Variants in GPHN observed in about 807,000 individuals in gnomAD.
GPHN encodes gephyrin.
A neutral mutation model predicts 95.5 loss-of-function variants in GPHN; 17 were observed. The observed-to-expected ratio is 0.18, with a 90% CI of 0.12 to 0.27. The LOEUF is 0.27. Among genes scored for constraint, GPHN ranks in the 10% least tolerant of loss-of-function variants. The pLI is 1.00. For missense variants in GPHN, 660 were observed against 978.1 expected (o/e 0.67, Z 4.34); for synonymous variants, 320 against 322.5 (o/e 0.99, Z 0.08).
chr14:66,932,674 G>T (rs10135117), intron 8 of GPHN, among the ~76,000 whole-genome samples: 36,528 of 150,196 alleles, frequency 0.24, 6,381 homozygotes, highest in African/African-American at 0.46. Context: ...TCTAGGCTCA[G>T]GGCAGCTACC....
the GPHN span, among the ~76,000 whole-genome samples, chr14:67,258,318 T>C: frequency 2.0e-5 from 3 of 152,228 alleles, no homozygotes; most frequent in East Asian, 1.9e-4. Flanking sequence ...GTGGATCGCA[T>C]GAGCTCAGGA....
chr14:67,479,277 G>A, the GPHN span, among the ~76,000 whole-genome samples: 7,130 of 151,786 alleles, frequency 0.047, 205 homozygotes, highest in East Asian at 0.096. Flanking sequence ...GTGGTGGCGT[G>A]TGCCTGTAAT....
the GPHN span, chr14:67,334,238 G>GAAAC: frequency 2.0e-5 from 3 of 152,696 alleles, no homozygotes; most frequent in African/African-American, 7.2e-5. Flanking sequence ...AATCATAAAA[G>GAAAC]AAACATTTAA....
the GPHN span, among the ~76,000 whole-genome samples, chr14:67,528,223 A>G: frequency 6.6e-6 from 1 of 152,180 alleles, no homozygotes; most frequent in Non-Finnish European, 1.5e-5. Flanking sequence ...GAGTGCCAAG[A>G]ACTGAGCTAG....
At chr14:67,727,492 T>TTTTTTTG in the GPHN span, 1 of 356,918 alleles carries the variant, frequency 2.8e-6, no homozygotes, top group African/African-American at 2.1e-5. Context: ...TTTGTTTTTT[T>TTTTTTTG]TTTTTTGAGA....
chr14:67,176,636 G>C (rs1339152872), intron 21 of GPHN, among the ~76,000 whole-genome samples: 1 of 152,170 alleles, frequency 6.6e-6, no homozygotes, highest in Non-Finnish European at 1.5e-5. Flanking sequence ...CCTTGGAATA[G>C]TTTCAGAAGG....
At chr14:67,351,141 A>G in the GPHN span, among the ~76,000 whole-genome samples, 1 of 152,352 alleles carries the variant, frequency 6.6e-6, no homozygotes, top group East Asian at 1.9e-4. Flanking sequence ...TGCCTTCCCA[A>G]GTATTAAAAA....
the GPHN span, among the ~76,000 whole-genome samples, chr14:67,716,767 C>A: frequency 3.3e-5 from 5 of 151,902 alleles, no homozygotes; most frequent in Admixed American, 3.3e-4. Context: ...ACCTGTGGGT[C>A]CAGCTATTCA....
At chr14:67,059,453 A>G (rs537809599) in intron 11 of GPHN, among the ~76,000 whole-genome samples, 1 of 152,338 alleles carries the variant, frequency 6.6e-6, no homozygotes, top group African/African-American at 2.4e-5. Context: ...TGCAATTTGA[A>G]TAAAATATAG....
the GPHN span, among the ~76,000 whole-genome samples, chr14:67,226,779 C>A: frequency 2.0e-5 from 3 of 152,180 alleles, no homozygotes; most frequent in African/African-American, 7.2e-5. Context: ...AATTCCCTGG[C>A]CTCCACATAC....
chr14:67,566,033 C>T, the GPHN span, among the ~76,000 whole-genome samples: 2 of 152,188 alleles, frequency 1.3e-5, no homozygotes, highest in Non-Finnish European at 2.9e-5. Flanking sequence ...GCAGTAGAAT[C>T]GCTTGAACCC....
At chr14:67,539,176 A>G in the GPHN span, among the ~76,000 whole-genome samples, 1 of 152,228 alleles carries the variant, frequency 6.6e-6, no homozygotes, top group Non-Finnish European at 1.5e-5. Flanking sequence ...AGTAAAGGAC[A>G]AGGAAAAATC....
chr14:67,278,249 A>G, the GPHN span, among the ~76,000 whole-genome samples: 2 of 151,938 alleles, frequency 1.3e-5, no homozygotes, highest in South Asian at 2.1e-4. Flanking sequence ...CATGTTGGCC[A>G]GGTCTCGAAC....
At chr14:66,532,269 A>G (rs944769938) in intron 1 of GPHN, among the ~76,000 whole-genome samples, 1 of 152,144 alleles carries the variant, frequency 6.6e-6, no homozygotes, top group African/African-American at 2.4e-5. Context: ...TAGAGCTGTG[A>G]TATCTGGAGG....
At chr14:66,718,463 G>A (rs556525382) in intron 2 of GPHN, among the ~76,000 whole-genome samples, 2 of 152,286 alleles carry the variant, frequency 1.3e-5, no homozygotes, top group East Asian at 3.9e-4. Flanking sequence ...ACAGTGAGCA[G>A]CAGCAAGATT....
chr14:67,491,411 G>T, the GPHN span, among the ~76,000 whole-genome samples: 3 of 152,136 alleles, frequency 2.0e-5, no homozygotes, highest in Non-Finnish European at 4.4e-5. Context: ...GGTCTTTCTG[G>T]AGACTGGCTC....
chr14:67,593,152 A>G, the GPHN span: 2 of 162,834 alleles, frequency 1.2e-5, no homozygotes, highest in Non-Finnish European at 2.7e-5. Context: ...AGAACACTTG[A>G]TAGCTTTTGA....
At chr14:67,562,171 GCCCC>G in the GPHN span, 11 of 1,610,938 alleles carry the variant, frequency 6.8e-6, no homozygotes, top group African/African-American at 1.3e-5. Flanking sequence ...AGCTGCTGGT[GCCCC>G]CCTACGGAGC....
At chr14:67,402,792 T>C in the GPHN span, among the ~76,000 whole-genome samples, 3 of 152,360 alleles carry the variant, frequency 2.0e-5, no homozygotes, top group Non-Finnish European at 2.9e-5. Flanking sequence ...TATTCCATTG[T>C]ATATATGTAC....
Sources: allele counts gnomAD v4.1 joint callset (sites outside exome capture counted in the v4.1 genomes callset), GRCh38; gene constraint gnomAD v4.1.1; transcripts MANE v1.5; gene names NCBI Gene and HGNC (gene_info 2026-07-23, HGNC 2026-07-21).